ANXA6: variants seen among roughly 807,000 people sequenced by gnomAD.
ANXA6 encodes the protein annexin A6, also known as 67 kDa calelectrin.
ANXA6 carries 71 observed loss-of-function variants against 95.4 expected under a neutral mutation model. The ratio of observed to expected loss-of-function variants is 0.74; its 90% CI spans 0.61 to 0.91. ANXA6 has a LOEUF of 0.91. ANXA6 is among the 40% of genes least tolerant of loss of function. ANXA6 has a pLI of 0.00. For synonymous variants in ANXA6, 289 were observed against 315.9 expected (o/e 0.91, Z 0.90); for missense variants, 830 against 876.4 (o/e 0.95, Z 0.67).
intron 13 of ANXA6, among the ~76,000 whole-genome samples, chr5:151,127,315 C>T (rs765761657): frequency 3.9e-5 from 6 of 152,208 alleles, no homozygotes; most frequent in Non-Finnish European, 8.8e-5. Flanking sequence ...TTTATAAGAT[C>T]CAGAGAAAGG....
chr5:151,156,648 C>A (rs1335827948), intron 1 of ANXA6, among the ~76,000 whole-genome samples: 1 of 152,014 alleles, frequency 6.6e-6, no homozygotes, highest in Admixed American at 6.6e-5. Context: ...TCAGAGAAGA[C>A]CCACTAGAAT....
chr5:151,122,842 C>A (rs1258050606), intron 16 of ANXA6, 75 bp downstream of exon 16: 1 of 1,359,368 alleles, frequency 7.4e-7, no homozygotes, highest in Non-Finnish European at 1.0e-6. Context: ...CTGTGCAGAA[C>A]CGATGGGGAC....
chr5:151,137,417 A>T (rs1765698785), intron 5 of ANXA6, 96 bp from the exon 6 acceptor site: 5 of 866,952 alleles, frequency 5.8e-6, no homozygotes, highest in African/African-American at 1.7e-5. Context: ...ATGACACCCC[A>T]GGACTCAGGA....
intron 2 of ANXA6, chr5:151,141,769 A>T (rs1298261501): frequency 1.1e-6 from 1 of 947,334 alleles, no homozygotes; most frequent in African/African-American, 1.8e-5. Context: ...ATCCCCTGCA[A>T]CCTGATCACG....
chr5:151,126,326 C>T, intron 14 of ANXA6, 76 bp downstream of exon 14: 1 of 1,340,082 alleles, frequency 7.5e-7, no homozygotes, highest in African/African-American at 1.4e-5. Context: ...CAGCTGGGTG[C>T]CAACCAGAGC....
chr5:151,119,876 A>G (rs1765114765), intron 17 of ANXA6, among the ~76,000 whole-genome samples: 1 of 152,092 alleles, frequency 6.6e-6, no homozygotes, highest in Admixed American at 6.6e-5. Context: ...CTTAAGATAA[A>G]ATGCTAAATT....
In ANXA6 at chr5:151,110,805, G is replaced by C. The variant is rs376220829; in HGVS notation, c.1573-161C>G. Among the ~76,000 whole-genome samples the C allele has an allele frequency of 7.2e-5, 11 of 152,248 alleles. No homozygotes were observed. In the South Asian group the frequency reaches 1.0e-3, roughly 14 times the overall value. On this transcript the variant is annotated intron_variant, in intron 20 of 25. Coordinates refer to ENST00000354546, the MANE Select transcript of ANXA6 (RefSeq NM_001155.5). Reference sequence around the variant, plus strand: ...GAGAACCCGGGATGCGAAAGGAAGGGGGGTAGGGACAAGATAAAAATACCT... The same window carrying C: ...GAGAACCCGGGATGCGAAAGGAAGGCGGGTAGGGACAAGATAAAAATACCT...
chr5:151,133,885 T>C (rs1192205293), intron 8 of ANXA6, among the ~76,000 whole-genome samples: 2 of 152,208 alleles, frequency 1.3e-5, no homozygotes, highest in African/African-American at 4.8e-5. Flanking sequence ...ATCACTTTGA[T>C]CTACTGTATA....
chr5:151,128,613 G>C (rs548528452), intron 12 of ANXA6, among the ~76,000 whole-genome samples: 64 of 152,280 alleles, frequency 4.2e-4, no homozygotes, highest in Non-Finnish European at 8.4e-4. Flanking sequence ...CATGAAATAT[G>C]CATGGAAATG....
At position 151,107,551 on chromosome 5, in the gene ANXA6, G is replaced by A. The variant is rs183900357; in HGVS notation, c.1780+904C>T. ...TAACACACCTTTCCCCCACATTTTA[G>A]TGTCTCTGAAATCAAGATGTGTTTT... On this transcript the variant is annotated intron_variant, in intron 23 of 25. Transcript: ENST00000354546. 1.7e-4 allele frequency among the ~76,000 whole-genome samples: 26 copies of A among 152,254 alleles called. 1 individual carries two copies. Among genetic ancestry groups the A allele is most frequent in the African/African-American group, 5.5e-4 (23 of 41,540 alleles).
At chr5:151,133,673 A>G (rs1462659148) in intron 8 of ANXA6, among the ~76,000 whole-genome samples, 1 of 152,236 alleles carries the variant, frequency 6.6e-6, no homozygotes, top group Non-Finnish European at 1.5e-5. Flanking sequence ...GTGGTCCATC[A>G]TTAACCAAAA....
chr5:151,151,105 T>G (rs1033382179), intron 1 of ANXA6: 1 of 152,182 alleles, frequency 6.6e-6, no homozygotes, highest in Non-Finnish European at 1.5e-5. Context: ...GAGTGCACAG[T>G]TCATATGTAA....
At position 151,119,302 on chromosome 5, in the gene ANXA6, T is replaced by G. The variant is rs1326306855; in HGVS notation, c.1436A>C (p.Glu479Ala). 3.1e-6 allele frequency: 5 copies of G among 1,612,632 alleles called. No homozygotes were observed. The highest frequency in any genetic ancestry group is 4.2e-6 in the Non-Finnish European group (5 of 1,179,712). The change falls in exon 18 of 26, where the codon GAG becomes GCG. Residue 479 changes from glutamate to alanine, a missense_variant and splice_region_variant. Transcript: ENST00000354546. ...GGGCCCAGGCCTCCCAAACTCACCCTCCTTATAGGCCTCATTGATGGCCCG... is the reference window on the plus strand; with the variant it reads ...GGGCCCAGGCCTCCCAAACTCACCCGCCTTATAGGCCTCATTGATGGCCCG... ...EIRAINEAYK[E>A]DYHKSLEDAL...
chr5:151,104,100 G>A (rs72790122), intron 24 of ANXA6, among the ~76,000 whole-genome samples: 5,528 of 152,278 alleles, frequency 0.036, 139 homozygotes, highest in Non-Finnish European at 0.057. Context: ...GGCAGAGACC[G>A]GAGTGATGCA....
Position 151,115,939 on chromosome 5 carries a change from C to T in ANXA6, c.1572+1188G>A, listed in dbSNP as rs531341580. On this transcript the variant is annotated intron_variant, in intron 20 of 25. Coordinates refer to ENST00000354546, the MANE Select transcript of ANXA6 (RefSeq NM_001155.5). ...GCATAGACTCTGGCATCAGGCAAGC[C>T]TGAGTTCAAATAAAACCACCACCAC... Among the ~76,000 whole-genome samples the T allele has an allele frequency of 8.3e-4, 127 of 152,344 alleles. 1 individual carries two copies. Among genetic ancestry groups the T allele is most frequent in the South Asian group, 2.1e-3 (10 of 4,830 alleles).
chr5:151,105,971 C>T (rs192610220), intron 23 of ANXA6, among the ~76,000 whole-genome samples: 1 of 152,302 alleles, frequency 6.6e-6, no homozygotes, highest in Admixed American at 6.5e-5. Flanking sequence ...GAAAGCCTTG[C>T]GCAAATCAGG....
rs186586144 is a variant in ANXA6 at position 151,122,787 on chromosome 5, T to C, written c.1233+130A>G. ...CAGTGCTGGAGACACTCTGAGATCA[T>C]ATGACCACACAGGGTCCCTCTGCCA... On this transcript the variant is annotated intron_variant, in intron 16 of 25. Transcript: ENST00000354546. 9.6e-5 allele frequency: 72 copies of C among 748,834 alleles called. No individual in the cohort carries two copies. The East Asian group carries it at 1.8e-3, about 19-fold the overall frequency. 46.4% of individuals were successfully genotyped at this position (748,834 alleles called of 1,614,324 possible).
Position 151,107,716 on chromosome 5 carries a change from C to T in ANXA6, c.1780+739G>A, listed in dbSNP as rs1319482649. On this transcript the variant is annotated intron_variant, in intron 23 of 25. Transcript: ENST00000354546. ...GAATATTAATGAGAATAACTTCAGC[C>T]CTAACCCATATCCACTCATCCATAT... 3.3e-5 allele frequency among the ~76,000 whole-genome samples: 5 copies of T among 152,098 alleles called. No individual in the cohort carries two copies. In the East Asian group the frequency reaches 9.6e-4, roughly 29 times the overall value.
At chr5:151,153,464 T>C (rs1461377874) in intron 1 of ANXA6, among the ~76,000 whole-genome samples, 1 of 152,186 alleles carries the variant, frequency 6.6e-6, no homozygotes, top group East Asian at 1.9e-4. Context: ...AGCCAGAAGG[T>C]ATTCCCCCGC....
Sources: gnomAD v4.1 joint callset for allele counts (sites outside exome capture counted in the v4.1 genomes callset) on GRCh38, gnomAD v4.1.1 for gene constraint, MANE v1.5 for transcripts, NCBI Gene and HGNC (gene_info 2026-07-23, HGNC 2026-07-21) for gene names.